IL17D: variants seen among roughly 807,000 people sequenced by gnomAD.
The protein encoded by IL17D is interleukin-17D.
IL17D carries 10 observed loss-of-function variants against 5.7 expected under a neutral mutation model. That is an observed-to-expected ratio of 1.75 (90% CI 1.08 to 2.97). The LOEUF is 2.97. Ranked by LOEUF, IL17D falls within the 30% of genes most tolerant of loss-of-function variation. The pLI is 0.00. For synonymous variants in IL17D, 172 were observed against 141.7 expected (o/e 1.21, Z -1.52); for missense variants, 354 against 292.7 (o/e 1.21, Z -1.53).
intron 1 of IL17D, among the ~76,000 whole-genome samples, chr13:20,720,597 G>A (rs1399364233): frequency 6.6e-6 from 1 of 152,184 alleles, no homozygotes; most frequent in East Asian, 1.9e-4. Flanking sequence ...CCACCTCTGC[G>A]GCTCCACTGC....
rs936372153 is a variant in IL17D, at chr13:20,716,021, C to T, written c.291-5615C>T. On this transcript the variant is annotated intron_variant, in intron 1 of 1. Transcript: ENST00000682841. The surrounding 1 kb of genome is among the most constrained non-coding windows in gnomAD (Gnocchi z 4.2). The stretch of plus-strand genomic sequence containing the variant: ...AAGTGCTGCGATTACAGGCATGAGC[C>T]ACCGCGCCCGGCCAGAATCGACACT... 91 of 894,498 alleles carry T rather than the reference C, an allele frequency of 1.0e-4. No individual in the cohort carries two copies. Among genetic ancestry groups the T allele is most frequent in the Non-Finnish European group, 1.2e-4 (88 of 747,058 alleles). The allele number at this position is 894,498 out of a possible 1,614,324, so 55.4% of individuals were successfully genotyped here.
At chr13:20,718,080 G>A (rs1364875387) in intron 1 of IL17D, among the ~76,000 whole-genome samples, 1 of 152,118 alleles carries the variant, frequency 6.6e-6, no homozygotes, top group African/African-American at 2.4e-5. Flanking sequence ...CCCGTGAAGA[G>A]ACTGAGTCCA....
At chr13:20,718,453 C>T (rs1161111761) in intron 1 of IL17D, among the ~76,000 whole-genome samples, 4 of 149,860 alleles carry the variant, frequency 2.7e-5, no homozygotes, top group African/African-American at 1.0e-4. Context: ...CCCATGCTCA[C>T]ACACCCACAC....
intron 1 of IL17D, among the ~76,000 whole-genome samples, chr13:20,719,970 C>G (rs977333118): frequency 1.3e-5 from 2 of 152,158 alleles, no homozygotes; most frequent in African/African-American, 2.4e-5. Flanking sequence ...TTCCCTCCCT[C>G]TTGTTTTTCT....
chr13:20,718,475 C>A (rs1595002001), intron 1 of IL17D, among the ~76,000 whole-genome samples: 1 of 146,416 alleles, frequency 6.8e-6, no homozygotes, highest in Admixed American at 6.8e-5. Context: ...CACCTGCCCA[C>A]GCTCACACCT....
intron 1 of IL17D, 66 bp from the exon 2 acceptor site, chr13:20,721,570 A>C: frequency 7.2e-7 from 1 of 1,394,806 alleles, no homozygotes. Context: ...GACTCTAACC[A>C]GGGATTTCAG....
upstream of IL17D, chr13:20,702,445 A>C (rs1253876702): frequency 2.0e-5 from 3 of 152,240 alleles, no homozygotes; most frequent in African/African-American, 7.2e-5. Flanking sequence ...TATTTTGTAC[A>C]CTTTCAAAAA....
At chr13:20,719,252 AACATGCCCAC>A (rs1291253419) in intron 1 of IL17D, among the ~76,000 whole-genome samples, 1 of 107,354 alleles carries the variant, frequency 9.3e-6, no homozygotes, top group Non-Finnish European at 2.0e-5. Flanking sequence ...CACCTGCCCA[AACATGCCCAC>A]ACACACCCCC....
intron 1 of IL17D, among the ~76,000 whole-genome samples, chr13:20,719,036 G>A (rs1222207107): frequency 1.0e-5 from 1 of 100,406 alleles, no homozygotes; most frequent in Non-Finnish European, 2.0e-5. Context: ...ACAGACACCC[G>A]TGCTCACACA....
At chr13:20,708,480 C>G (rs747757128) in intron 1 of IL17D, among the ~76,000 whole-genome samples, 16 of 152,210 alleles carry the variant, frequency 1.1e-4, no homozygotes, top group Middle Eastern at 3.4e-3. Context: ...GAGAAAAACA[C>G]AAGCAATTAT....
At chr13:20,708,960 CAAA>C (rs59047970) in intron 1 of IL17D, among the ~76,000 whole-genome samples, 8 of 65,224 alleles carry the variant, frequency 1.2e-4, no homozygotes, top group Non-Finnish European at 2.0e-4. Flanking sequence ...GACTCTGTCT[CAAA>C]AAAAAAAAAA....
chr13:20,708,625 A>G (rs540362121), intron 1 of IL17D, among the ~76,000 whole-genome samples: 7 of 152,228 alleles, frequency 4.6e-5, no homozygotes, highest in Admixed American at 4.6e-4. Context: ...AGAAAAATAC[A>G]AGGGCAAACT....
intron 1 of IL17D, 121 bp from the exon 2 acceptor site, chr13:20,721,515 C>A: frequency 1.3e-6 from 1 of 769,552 alleles, no homozygotes; most frequent in Non-Finnish European, 2.0e-6. Flanking sequence ...CGCACGCACG[C>A]GCCCGCAGGC....
upstream of IL17D, chr13:20,701,638 C>T (rs917897782): frequency 7.2e-5 from 11 of 152,094 alleles, no homozygotes; most frequent in Non-Finnish European, 1.5e-4. Context: ...TAAGGGAACA[C>T]GATGAGCCTG....
chr13:20,715,571 A>G (rs955265296), intron 1 of IL17D, among the ~76,000 whole-genome samples: 1 of 152,152 alleles, frequency 6.6e-6, no homozygotes, highest in African/African-American at 2.4e-5. Context: ...CTGCTGATTC[A>G]TTTGAATCAG....
At chr13:20,718,547 TCACA>T (rs1260988832) in intron 1 of IL17D, among the ~76,000 whole-genome samples, 17 of 82,360 alleles carry the variant, frequency 2.1e-4, no homozygotes, top group African/African-American at 8.0e-4. Context: ...CCGCCCATGC[TCACA>T]CACCCACACA....
At chr13:20,707,927 T>A (rs1252859202) in intron 1 of IL17D, among the ~76,000 whole-genome samples, 1 of 152,158 alleles carries the variant, frequency 6.6e-6, no homozygotes, top group African/African-American at 2.4e-5. Context: ...TCTTTCTTTC[T>A]TTTGAGACAG....
In IL17D at chr13:20,704,063, C is replaced by T. The variant is rs2058566571; in HGVS notation, c.62C>T (p.Ala21Val). Residue 21 changes from alanine to valine, a missense_variant, in exon 1 of 2, where the codon GCG (alanine) becomes GTG (valine). Ala to Val is a moderately conservative substitution (Grantham distance 64, BLOSUM62 0). Transcript: ENST00000682841. ...PPSWAAGAPR[A>V]GRRPARPRGC... ...AGCTGGGCCGCGGGCGCCCCGAGGGCGGGCAGGCGCCCCGCGCGGCCGCGG... is the reference window on the plus strand; with the variant it reads ...AGCTGGGCCGCGGGCGCCCCGAGGGTGGGCAGGCGCCCCGCGCGGCCGCGG... 1.8e-6 allele frequency: 2 copies of T among 1,084,136 alleles called. No individual in the cohort carries two copies. The highest frequency in any genetic ancestry group is 5.4e-5 in the Admixed American group (1 of 18,554). The allele number at this position is 1,084,136 out of a possible 1,614,324, so 67.2% of individuals were successfully genotyped here. A position where few individuals can be genotyped will look rare whatever the true frequency, so the allele number is the denominator to read the frequency against.
At chr13:20,715,888 G>T (rs998021781) in intron 1 of IL17D, among the ~76,000 whole-genome samples, 3 of 151,974 alleles carry the variant, frequency 2.0e-5, no homozygotes, top group African/African-American at 7.3e-5. Context: ...CTACAGACAC[G>T]CACCACGACG....
Sources: allele counts gnomAD v4.1 joint callset (sites outside exome capture counted in the v4.1 genomes callset), GRCh38; gene constraint gnomAD v4.1.1; non-coding constraint Gnocchi (gnomAD v3.1); transcripts MANE v1.5; gene names NCBI Gene and HGNC (gene_info 2026-07-23, HGNC 2026-07-21).